Variants in SRPK2 observed in about 807,000 individuals in gnomAD.
SRPK2 encodes SRSF protein kinase 2.
A neutral mutation model predicts 90.8 loss-of-function variants in SRPK2; 21 were observed. That is an observed-to-expected ratio of 0.23 (90% CI 0.16 to 0.33). The LOEUF (loss-of-function observed/expected upper bound fraction) is 0.33. Among genes scored for constraint, SRPK2 ranks in the 10% least tolerant of loss-of-function variants. The probability of loss-of-function intolerance (pLI) is 1.00; values close to 1 mark genes in which losing one functional copy is unlikely to be tolerated. For missense variants in SRPK2, 620 were observed against 869.0 expected (o/e 0.71, Z 3.60); for synonymous variants, 288 against 311.1 (o/e 0.93, Z 0.78).
chr7:105,314,100 G>A (rs1248570378), intron 2 of SRPK2, among the ~76,000 whole-genome samples: 1 of 152,050 alleles, frequency 6.6e-6, no homozygotes, highest in Non-Finnish European at 1.5e-5. Flanking sequence ...GGGAGGCGAG[G>A]CTGGCCGGTA....
At chr7:105,151,653 C>G (rs1805671731) in intron 7 of SRPK2, among the ~76,000 whole-genome samples, 2 of 152,126 alleles carry the variant, frequency 1.3e-5, no homozygotes, top group South Asian at 4.1e-4. Context: ...CTCAAGTGAT[C>G]CTCTTGCTTC....
chr7:105,328,674 C>T (rs953587811), intron 2 of SRPK2, among the ~76,000 whole-genome samples: 18 of 151,398 alleles, frequency 1.2e-4, no homozygotes, highest in African/African-American at 4.4e-4. Flanking sequence ...ACCATCCTTG[C>T]TAACACGGTG....
intron 2 of SRPK2, among the ~76,000 whole-genome samples, chr7:105,208,822 T>A (rs542657165): frequency 6.6e-6 from 1 of 152,088 alleles, no homozygotes; most frequent in Non-Finnish European, 1.5e-5. Context: ...CAAAAAGCTA[T>A]TGTTAAAAAA....
At chr7:105,397,317 C>G (rs981154036) in intron 1 of SRPK2, among the ~76,000 whole-genome samples, 3 of 147,716 alleles carry the variant, frequency 2.0e-5, no homozygotes, top group Admixed American at 6.8e-5. Context: ...TGCCCGACCC[C>G]CTTGAGTGAC....
At chr7:105,197,642 T>A (rs1795078909) in intron 3 of SRPK2, among the ~76,000 whole-genome samples, 2 of 152,152 alleles carry the variant, frequency 1.3e-5, no homozygotes, top group Non-Finnish European at 2.9e-5. Flanking sequence ...AGGGAACCTT[T>A]CAGACTAGAG....
chr7:105,148,011 G>T (rs1804919519), intron 7 of SRPK2, among the ~76,000 whole-genome samples: 1 of 152,108 alleles, frequency 6.6e-6, no homozygotes, highest in Non-Finnish European at 1.5e-5. Flanking sequence ...TTTGAGGGGA[G>T]GTATATACCT....
intron 7 of SRPK2, among the ~76,000 whole-genome samples, chr7:105,151,101 T>TA (rs1805581767): frequency 6.6e-6 from 1 of 152,160 alleles, no homozygotes; most frequent in Non-Finnish European, 1.5e-5. Flanking sequence ...CAGATTTTTT[T>TA]TAAAAAAAAT....
Position 105,255,940 on chromosome 7 carries a change from AGAGAG to A in SRPK2, c.72-52160_72-52156del, listed in dbSNP as rs1419542491. On this transcript the variant is annotated intron_variant, in intron 2 of 15. Transcript: ENST00000393651. ...CCATCTCAAATTGAAAAAAAAAAAA[AGAGAG>A]AGAGCGAGAACAAGAAAAATGCACA... Among the ~76,000 whole-genome samples the A allele has an allele frequency of 8.7e-5, 13 of 148,764 alleles. No homozygotes were observed. In the South Asian group the frequency reaches 1.3e-3, roughly 15 times the overall value.
intron 2 of SRPK2, among the ~76,000 whole-genome samples, chr7:105,280,386 G>A (rs1490447708): frequency 1.3e-5 from 2 of 151,118 alleles, no homozygotes; most frequent in South Asian, 2.1e-4. Context: ...TCACACCACT[G>A]CATGCCATCC....
chr7:105,142,597 C>A lies in SRPK2; in HGVS notation c.1061-107G>T. The A allele has an allele frequency of 2.8e-6, 4 of 1,434,396 alleles. No homozygotes were observed. The South Asian group carries it at 5.8e-5, about 21-fold the overall frequency. The allele number at this position is 1,434,396 out of a possible 1,614,324, so 88.9% of individuals were successfully genotyped here. A position where few individuals can be genotyped will look rare whatever the true frequency, so the allele number is the denominator to read the frequency against. On this transcript the variant is annotated intron_variant, in intron 10 of 15. Transcript: ENST00000393651. ...AATACATTTTGAATATGCTTATGTA[C>A]CACCTGGTAAACACCTCTTGGCTTT...
chr7:105,167,312 G>C (rs1394199999), intron 6 of SRPK2, 65 bp downstream of exon 6: 1 of 1,356,348 alleles, frequency 7.4e-7, no homozygotes, highest in Non-Finnish European at 1.0e-6. Context: ...AGAGATTATA[G>C]GAGCTTGAAA....
chr7:105,200,393 T>C (rs1351457609), intron 3 of SRPK2, among the ~76,000 whole-genome samples: 1 of 151,976 alleles, frequency 6.6e-6, no homozygotes, highest in African/African-American at 2.4e-5. Flanking sequence ...GAACAAAATT[T>C]GGGATAATCT....
intron 3 of SRPK2, among the ~76,000 whole-genome samples, chr7:105,203,199 A>G (rs985138276): frequency 1.3e-5 from 2 of 152,142 alleles, no homozygotes; most frequent in Admixed American, 6.5e-5. Flanking sequence ...CACATTGCCC[A>G]GGCTGGTCTT....
intron 2 of SRPK2, chr7:105,206,084 C>A: frequency 1.6e-5 from 8 of 490,650 alleles, no homozygotes; most frequent in South Asian, 1.0e-4. Flanking sequence ...GTCGTGTGCA[C>A]TGTGGGATGC....
chr7:105,258,177 G>T (rs956034369), intron 2 of SRPK2, among the ~76,000 whole-genome samples: 1 of 151,644 alleles, frequency 6.6e-6, no homozygotes, highest in South Asian at 2.1e-4. Flanking sequence ...CCAGCACTTC[G>T]GGAGGCCGAG....
intron 2 of SRPK2, among the ~76,000 whole-genome samples, chr7:105,261,543 G>C (rs1177324574): frequency 6.6e-6 from 1 of 151,250 alleles, no homozygotes; most frequent in African/African-American, 2.4e-5. Context: ...AAAAAAGAAA[G>C]AAAAAAGAAA....
intron 4 of SRPK2, 151 bp downstream of exon 4, chr7:105,169,006 G>T: frequency 2.1e-6 from 1 of 476,916 alleles, no homozygotes. Context: ...TAAGGCAGGG[G>T]GCAGGAAGGA....
At chr7:105,210,489 T>C (rs934380887) in intron 2 of SRPK2, among the ~76,000 whole-genome samples, 24 of 152,226 alleles carry the variant, frequency 1.6e-4, no homozygotes, top group African/African-American at 5.3e-4. Flanking sequence ...TCATTCAAAA[T>C]ACTTGGGACC....
intron 2 of SRPK2, among the ~76,000 whole-genome samples, chr7:105,374,301 G>T (rs559370533): frequency 6.6e-6 from 1 of 152,110 alleles, no homozygotes; most frequent in Non-Finnish European, 1.5e-5. Context: ...TTGTCATTTT[G>T]TATTGCTTTT....
Sources: allele counts gnomAD v4.1 joint callset (sites outside exome capture counted in the v4.1 genomes callset), GRCh38; gene constraint gnomAD v4.1.1; transcripts MANE v1.5; gene names NCBI Gene and HGNC (gene_info 2026-07-23, HGNC 2026-07-21).